Variants in ZDHHC5 observed in about 807,000 individuals in gnomAD.
ZDHHC5 encodes palmitoyltransferase ZDHHC5.
Under a neutral mutation model 70.0 loss-of-function variants are expected in ZDHHC5, and 22 were observed. The ratio of observed to expected loss-of-function variants is 0.31; its 90% CI spans 0.22 to 0.45. The LOEUF is 0.45. ZDHHC5 is among the 20% of genes least tolerant of loss of function. The pLI is 1.00. For synonymous variants in ZDHHC5, 313 were observed against 347.8 expected (o/e 0.90, Z 1.11); for missense variants, 746 against 926.9 (o/e 0.80, Z 2.53).
chr11:57,698,625 C>A lies in ZDHHC5; in HGVS notation c.1189C>A (p.Arg397Ser). 1 of 1,614,056 alleles carries A rather than the reference C, an allele frequency of 6.2e-7. No individual in the cohort carries two copies. Reference protein sequence around the residue: ...IAESSRHPSYRSEPSLEPESF... With the variant: ...IAESSRHPSYSSEPSLEPESF... ...AGAGAGCAGCCGTCACCCCAGCTACCGCTCAGAGCCCAGCTTGGAACCAGA... is the reference window on the plus strand; with the variant it reads ...AGAGAGCAGCCGTCACCCCAGCTACAGCTCAGAGCCCAGCTTGGAACCAGA... Residue 397 changes from arginine (R) to serine (S), a missense_variant, in exon 11 of 12, where the codon CGC (arginine) becomes AGC (serine). This residue lies in a region of ZDHHC5 where 179 missense variants were observed against 178.4 expected (regional missense o/e 1.00). Coordinates refer to ENST00000287169, the MANE Select transcript of ZDHHC5 (RefSeq NM_015457.3).
chr11:57,691,710 ATTAATAGATTT>A (rs991105119), intron 6 of ZDHHC5, among the ~76,000 whole-genome samples: 3 of 152,124 alleles, frequency 2.0e-5, no homozygotes, highest in African/African-American at 7.2e-5. Flanking sequence ...CAAAAATCAT[ATTAATAGATTT>A]TTAAATTTAA....
chr11:57,676,617 A>G (rs1372083453), intron 2 of ZDHHC5, among the ~76,000 whole-genome samples: 2 of 152,002 alleles, frequency 1.3e-5, no homozygotes, highest in African/African-American at 4.8e-5. Flanking sequence ...TGTTTAAGCA[A>G]CATGACCCTT....
chr11:57,680,600 T>C (rs1946137565), intron 2 of ZDHHC5, among the ~76,000 whole-genome samples: 1 of 152,216 alleles, frequency 6.6e-6, no homozygotes, highest in African/African-American at 2.4e-5. Flanking sequence ...TCCCTTCTAA[T>C]TATCTTCCCA....
At chr11:57,694,471 C>T (rs1039399466) in intron 8 of ZDHHC5, among the ~76,000 whole-genome samples, 2 of 151,926 alleles carry the variant, frequency 1.3e-5, no homozygotes, top group Non-Finnish European at 2.9e-5. Flanking sequence ...AAGCGATTCT[C>T]GTGCCTCAGC....
In ZDHHC5 at chr11:57,700,055, A is replaced by G. The variant is rs779883003; in HGVS notation, c.*24A>G. The stretch of plus-strand genomic sequence containing the variant: ...GAGCCTTCGGCACCTCCCCTCCCCA[A>G]CGCCTCTGCGCCTACACCAAAGGGC... On this transcript the variant is annotated 3_prime_UTR_variant, in exon 12 of 12. Transcript: ENST00000287169. 3.2e-6 allele frequency: 5 copies of G among 1,546,914 alleles called. No individual in the cohort carries two copies. Among genetic ancestry groups the G allele is most frequent in the Middle Eastern group, 3.5e-4 (2 of 5,696 alleles).
rs1434603296 is a variant in ZDHHC5 at position 57,672,668 on chromosome 11, T to C, written c.-423T>C. The C allele has an allele frequency of 1.6e-5, 3 of 184,742 alleles. No individual in the cohort carries two copies. The highest frequency in any genetic ancestry group is 7.0e-5 in the African/African-American group (3 of 42,806). 11.4% of individuals were successfully genotyped at this position (184,742 alleles called of 1,614,324 possible). On this transcript the variant is annotated 5_prime_UTR_variant, in exon 2 of 12. Coordinates refer to ENST00000287169, the MANE Select transcript of ZDHHC5 (RefSeq NM_015457.3). ...AGAATTTTTCTTTGCCCAAAGTTTT[T>C]TTGCCATACCCTGATATTCTCTCCT...
Position 57,675,614 on chromosome 11 carries a change from A to G in ZDHHC5, c.104+2420A>G, listed in dbSNP as rs137900527. Among the ~76,000 whole-genome samples, 99 of 152,302 alleles carry G rather than the reference A, an allele frequency of 6.5e-4. 1 individual carries two copies. The East Asian group carries it at 0.017, about 26-fold the overall frequency. On this transcript the variant is annotated intron_variant, in intron 2 of 11. Transcript: ENST00000287169. ...TTCCTTCCCCCTGGCGCTAGTTTCC[A>G]CAGGACCAATTTCTGGGCTCCATCT...
intron 4 of ZDHHC5, 93 bp downstream of exon 4, chr11:57,688,758 G>A: frequency 7.2e-7 from 1 of 1,392,714 alleles, no homozygotes; most frequent in Non-Finnish European, 9.5e-7. Context: ...ATGTGGTATA[G>A]TCCTGTCTAA....
chr11:57,698,540 G>A lies in ZDHHC5; in HGVS notation c.1123-19G>A. ...GTCACAAAAGGAGCACTAAGAGCCT[G>A]CTTTACTTTCTTCCTCAGTTGAGTC... On this transcript the variant is annotated intron_variant, in intron 10 of 11. Transcript: ENST00000287169. 1 of 1,574,572 alleles carries A rather than the reference G, an allele frequency of 6.4e-7. No individual in the cohort carries two copies. The highest frequency in any genetic ancestry group is 8.6e-7 in the Non-Finnish European group (1 of 1,162,394).
chr11:57,676,503 G>A (rs2135380705), intron 2 of ZDHHC5, among the ~76,000 whole-genome samples: 1 of 152,272 alleles, frequency 6.6e-6, no homozygotes, highest in East Asian at 1.9e-4. Flanking sequence ...AGTGGGATAA[G>A]CCCTCTTTGG....
Position 57,668,148 on chromosome 11 carries a change from G to A in ZDHHC5, c.-1110G>A, listed in dbSNP as rs867201758. Reference sequence around the variant, plus strand: ...AGGACGGCACTGCCGGGAGGCGGCGGTGACAACGACGGCGGTGGTGACGGG... The same window carrying A: ...AGGACGGCACTGCCGGGAGGCGGCGATGACAACGACGGCGGTGGTGACGGG... On this transcript the variant is annotated 5_prime_UTR_variant, in exon 1 of 12. In the 5' UTR this introduces an upstream ATG that the reference lacks. Coordinates refer to ENST00000287169, the MANE Select transcript of ZDHHC5 (RefSeq NM_015457.3). The A allele has an allele frequency of 2.6e-4, 96 of 369,354 alleles. No homozygotes were observed. In the Middle Eastern group the frequency reaches 6.4e-3, roughly 24 times the overall value. The allele number at this position is 369,354 out of a possible 1,614,324, so 22.9% of individuals were successfully genotyped here.
intron 2 of ZDHHC5, among the ~76,000 whole-genome samples, chr11:57,675,670 G>A (rs960874924): frequency 3.3e-5 from 5 of 152,266 alleles, no homozygotes; most frequent in Non-Finnish European, 4.4e-5. Flanking sequence ...GTCACCTTGT[G>A]GGGGCACAAA....
chr11:57,695,847 T>C, intron 8 of ZDHHC5, 73 bp from the exon 9 acceptor site: 4 of 1,544,386 alleles, frequency 2.6e-6, no homozygotes, highest in Non-Finnish European at 3.5e-6. Context: ...CTCCCTCTTA[T>C]ATCAATTTAA....
Position 57,698,807 on chromosome 11 carries a change from G to A in ZDHHC5, c.1371G>A (p.Lys457=), listed in dbSNP as rs147498002. 1.2e-6 allele frequency: 2 copies of A among 1,614,068 alleles called. No individual in the cohort carries two copies. Among genetic ancestry groups the A allele is most frequent in the South Asian group, 1.1e-5 (1 of 91,092 alleles). ...RSEGTTSTSY[K]SLANQTRNGS... ...AGGGCACCACCTCCACCTCCTATAA[G>A]AGCCTGGCCAACCAGACACGCAATG... The change falls in exon 11 of 12, where the codon AAG becomes AAA. Residue 457 remains lysine, a synonymous_variant. Coordinates refer to ENST00000287169, the MANE Select transcript of ZDHHC5 (RefSeq NM_015457.3).
At chr11:57,693,167 C>CA (rs1946307350) in intron 7 of ZDHHC5, among the ~76,000 whole-genome samples, 1 of 152,102 alleles carries the variant, frequency 6.6e-6, no homozygotes, top group South Asian at 2.1e-4. Context: ...ATTAGCTGGG[C>CA]AAGGTGGCAG....
chr11:57,693,467 G>A (rs1946311655), intron 7 of ZDHHC5, among the ~76,000 whole-genome samples: 1 of 152,144 alleles, frequency 6.6e-6, no homozygotes, highest in African/African-American at 2.4e-5. Flanking sequence ...AGGGGTTGGG[G>A]ACCCCTGCTT....
Position 57,698,838 on chromosome 11 carries a change from C to T in ZDHHC5, c.1402C>T (p.Leu468=). Residue 468 remains leucine, a synonymous_variant, in exon 11 of 12, where the codon CTA becomes TTA. Coordinates refer to ENST00000287169, the MANE Select transcript of ZDHHC5 (RefSeq NM_015457.3). Reference sequence around the variant, plus strand: ...GGCCAACCAGACACGCAATGGAAGCCTATCTTATGACAGCTTGCTCACACC... The same window carrying T: ...GGCCAACCAGACACGCAATGGAAGCTTATCTTATGACAGCTTGCTCACACC... The part of the protein sequence containing the change: ...SLANQTRNGS[L]SYDSLLTPSD... The T allele has an allele frequency of 6.2e-7, 1 of 1,614,222 alleles. No homozygotes were observed. Among genetic ancestry groups the T allele is most frequent in the South Asian group, 1.1e-5 (1 of 91,082 alleles).
At chr11:57,675,798 G>T (rs755729118) in intron 2 of ZDHHC5, among the ~76,000 whole-genome samples, 4 of 152,212 alleles carry the variant, frequency 2.6e-5, no homozygotes, top group Non-Finnish European at 4.4e-5. Context: ...AGGCACCACT[G>T]TTCTTAAAAA....
chr11:57,698,118 AACACACACACAC>A (rs113494839), intron 10 of ZDHHC5, among the ~76,000 whole-genome samples: 5 of 110,286 alleles, frequency 4.5e-5, no homozygotes, highest in African/African-American at 5.6e-5. Context: ...CTGGGCTTAA[AACACACACACAC>A]ACACACACAC....
Sources: gnomAD v4.1 joint callset for allele counts (sites outside exome capture counted in the v4.1 genomes callset) on GRCh38, gnomAD v4.1.1 for gene constraint, gnomAD v4.1.1 regional missense constraint, MANE v1.5 for transcripts, NCBI Gene and HGNC (gene_info 2026-07-23, HGNC 2026-07-21) for gene names.